Variants in ADARB2 observed in about 807,000 individuals in gnomAD.
The protein encoded by ADARB2 is adenosine deaminase RNA specific B2 (inactive), also known as inactive double-stranded RNA-specific editase B2.
A neutral mutation model predicts 62.2 loss-of-function variants in ADARB2; 25 were observed. The ratio of observed to expected loss-of-function variants is 0.40; its 90% CI spans 0.29 to 0.56. The LOEUF (loss-of-function observed/expected upper bound fraction) is 0.56. ADARB2 is among the 20% of genes least tolerant of loss of function. The pLI is 0.43. For missense variants in ADARB2, 1,071 were observed against 1,077.4 expected (o/e 0.99, Z 0.08); for synonymous variants, 572 against 500.8 (o/e 1.14, Z -1.90).
At chr10:1,222,380 A>G (rs1407307522) in intron 6 of ADARB2, among the ~76,000 whole-genome samples, 1 of 152,030 alleles carries the variant, frequency 6.6e-6, no homozygotes, top group Non-Finnish European at 1.5e-5. Flanking sequence ...GTTCACTCTG[A>G]TGTTAGTTTC....
intron 1 of ADARB2, among the ~76,000 whole-genome samples, chr10:1,668,762 T>C (rs1217165897): frequency 2.0e-5 from 3 of 152,228 alleles, no homozygotes; most frequent in African/African-American, 4.8e-5. Flanking sequence ...GTTTCACATA[T>C]TTATTAATGG....
At chr10:1,444,313 T>TCCATC (rs1564290590) in intron 1 of ADARB2, among the ~76,000 whole-genome samples, 14 of 70,516 alleles carry the variant, frequency 2.0e-4, no homozygotes, top group East Asian at 7.6e-4. Context: ...ATCCATCCAC[T>TCCATC]CATTCATCCT....
intron 1 of ADARB2, chr10:1,535,757 G>T (rs1832323445): frequency 6.0e-6 from 1 of 167,040 alleles, no homozygotes; most frequent in African/African-American, 2.4e-5. Context: ...CTTACCTGTG[G>T]CCTCCTAACC....
At position 1,584,257 on chromosome 10, in the gene ADARB2, C is replaced by G. The variant is rs530949927; in HGVS notation, c.100+152794G>C. On this transcript the variant is annotated intron_variant, in intron 1 of 9. Coordinates refer to ENST00000381312, the MANE Select transcript of ADARB2 (RefSeq NM_018702.4). The stretch of plus-strand genomic sequence containing the variant: ...TAAAACTCAACAATAGAAAAACAAA[C>G]AACCCAATTAAAAAATGCACCTAAG... Among the ~76,000 whole-genome samples, 314 of 152,180 alleles carry G rather than the reference C, an allele frequency of 2.1e-3. 7 individuals carry two copies. Among genetic ancestry groups the G allele is most frequent in the Non-Finnish European group, 6.0e-4 (41 of 67,992 alleles).
intron 3 of ADARB2, among the ~76,000 whole-genome samples, chr10:1,287,943 G>C (rs551160179): frequency 3.9e-5 from 6 of 152,370 alleles, no homozygotes; most frequent in African/African-American, 1.2e-4. Flanking sequence ...GTCCTCGTCA[G>C]ACTGGATGCC....
intron 1 of ADARB2, among the ~76,000 whole-genome samples, chr10:1,461,516 T>A (rs79942935): frequency 0.013 from 728 of 53,962 alleles, 4 homozygotes; most frequent in African/African-American, 0.066. Flanking sequence ...GCATATATAT[T>A]TTTTTTTTTA....
At chr10:1,293,228 G>GGGGGAGAGGGAGAGAGGGAGGGAA (rs1554752375) in intron 3 of ADARB2, among the ~76,000 whole-genome samples, 1 of 108,450 alleles carries the variant, frequency 9.2e-6, no homozygotes, top group Non-Finnish European at 1.9e-5. Context: ...GAGAGGGACG[G>GGGGGAGAGGGAGAGAGGGAGGGAA]GGAGGGAGAG....
Position 1,597,858 on chromosome 10 carries a change from A to G in ADARB2, c.100+139193T>C, listed in dbSNP as rs539417520. On this transcript the variant is annotated intron_variant, in intron 1 of 9. Transcript: ENST00000381312. ...GCAGCACTACTCATAATAGCAGAGC[A>G]TGGAATCAACCTAAGTGTCCATCAG... 1.8e-4 allele frequency among the ~76,000 whole-genome samples: 27 copies of G among 152,380 alleles called. No individual in the cohort carries two copies. In the South Asian group the frequency reaches 5.6e-3, roughly 32 times the overall value.
At chr10:1,380,858 C>T (rs183840810) in intron 1 of ADARB2, among the ~76,000 whole-genome samples, 9 of 152,284 alleles carry the variant, frequency 5.9e-5, no homozygotes, top group Non-Finnish European at 8.8e-5. Context: ...TAATGTTACA[C>T]TAAGAGTGTG....
At chr10:1,481,481 T>A (rs1244237804) in intron 1 of ADARB2, among the ~76,000 whole-genome samples, 1 of 152,190 alleles carries the variant, frequency 6.6e-6, no homozygotes, top group Admixed American at 6.5e-5. Flanking sequence ...CTTTTATTCC[T>A]CAAAGGACAC....
At position 1,448,115 on chromosome 10, in the gene ADARB2, C is replaced by T. The variant is rs375558169; in HGVS notation, c.101-68955G>A. On this transcript the variant is annotated intron_variant, in intron 1 of 9. Transcript: ENST00000381312. Reference sequence around the variant, plus strand: ...GGCTAAATTGATGTTCTTTAGTTATCGAGGGGGAAAGATAATTATATCCTT... The same window carrying T: ...GGCTAAATTGATGTTCTTTAGTTATTGAGGGGGAAAGATAATTATATCCTT... 1.6e-4 allele frequency among the ~76,000 whole-genome samples: 25 copies of T among 152,100 alleles called. No homozygotes were observed. In the South Asian group the frequency reaches 2.1e-3, roughly 13 times the overall value.
Position 1,548,478 on chromosome 10 carries a change from G to A in ADARB2, c.101-169318C>T, listed in dbSNP as rs562470406. Reference sequence around the variant, plus strand: ...ACTGACATGGTGAATACACTGTGTAGGTCCAGAGACAGTGATGACAAACTA... The same window carrying A: ...ACTGACATGGTGAATACACTGTGTAAGTCCAGAGACAGTGATGACAAACTA... On this transcript the variant is annotated intron_variant, in intron 1 of 9. Coordinates refer to ENST00000381312, the MANE Select transcript of ADARB2 (RefSeq NM_018702.4). Among the ~76,000 whole-genome samples, 6 of 152,316 alleles carry A rather than the reference G, an allele frequency of 3.9e-5. No homozygotes were observed. The South Asian group carries it at 1.2e-3, about 32-fold the overall frequency.
intron 3 of ADARB2, among the ~76,000 whole-genome samples, chr10:1,306,835 G>A (rs1260030916): frequency 2.0e-5 from 3 of 151,498 alleles, no homozygotes; most frequent in Non-Finnish European, 4.4e-5. Context: ...ATGGGGAAAG[G>A]ATTCCCTATT....
At chr10:1,659,091 T>G (rs1809869654) in intron 1 of ADARB2, among the ~76,000 whole-genome samples, 1 of 152,170 alleles carries the variant, frequency 6.6e-6, no homozygotes, top group South Asian at 2.1e-4. Context: ...AATTGCTAAT[T>G]ATAATGTTTA....
At chr10:1,328,996 T>TAAAAAA (rs376461606) in intron 3 of ADARB2, among the ~76,000 whole-genome samples, 48 of 75,662 alleles carry the variant, frequency 6.3e-4, no homozygotes, top group African/African-American at 8.8e-4. Flanking sequence ...GACCCTGTCT[T>TAAAAAA]AAAAAAAAAA....
At chr10:1,510,168 CTTTTTCTTTCTTTCTT>C (rs1831918107) in intron 1 of ADARB2, among the ~76,000 whole-genome samples, 1 of 45,934 alleles carries the variant, frequency 2.2e-5, no homozygotes, top group Non-Finnish European at 4.7e-5. Flanking sequence ...TTCTTTCTTT[CTTTTTCTTTCTTTCTT>C]TTTCTTTCTT....
chr10:1,234,304 C>T (rs891080315), intron 5 of ADARB2, among the ~76,000 whole-genome samples: 1 of 151,716 alleles, frequency 6.6e-6, no homozygotes, highest in Admixed American at 6.6e-5. Context: ...GTTTCTCCTT[C>T]TTCACACCCC....
At chr10:1,583,611 A>G (rs948370965) in intron 1 of ADARB2, among the ~76,000 whole-genome samples, 1 of 152,246 alleles carries the variant, frequency 6.6e-6, no homozygotes, top group African/African-American at 2.4e-5. Context: ...GAGAAATTCC[A>G]TGTTCATGGA....
chr10:1,625,432 G>A (rs1833754883), intron 1 of ADARB2, among the ~76,000 whole-genome samples: 1 of 152,252 alleles, frequency 6.6e-6, no homozygotes, highest in Admixed American at 6.5e-5. Context: ...CTTGGCGCTG[G>A]TGGGGTGTTT....
Sources: gnomAD v4.1 joint callset for allele counts (sites outside exome capture counted in the v4.1 genomes callset) on GRCh38, gnomAD v4.1.1 for gene constraint, MANE v1.5 for transcripts, NCBI Gene and HGNC (gene_info 2026-07-23, HGNC 2026-07-21) for gene names.